CALN1: variants seen among roughly 807,000 people sequenced by gnomAD.
The protein encoded by CALN1 is calneuron 1.
A neutral mutation model predicts 30.6 loss-of-function variants in CALN1; 17 were observed. The observed-to-expected ratio is 0.56, with a 90% CI of 0.38 to 0.83. The LOEUF is 0.83. CALN1 is among the 40% of genes least tolerant of loss of function. The pLI is 0.00. For missense variants in CALN1, 291 were observed against 354.9 expected (o/e 0.82, Z 1.45); for synonymous variants, 156 against 131.4 (o/e 1.19, Z -1.28).
chr7:72,483,149 T>G, the CALN1 span, among the ~76,000 whole-genome samples: 1 of 152,058 alleles, frequency 6.6e-6, no homozygotes, highest in Non-Finnish European at 1.5e-5. Flanking sequence ...CTTTTAAAAT[T>G]TTTTTTAATC....
intron 3 of CALN1, among the ~76,000 whole-genome samples, chr7:72,185,445 G>C (rs1430489228): frequency 1.3e-5 from 2 of 152,200 alleles, no homozygotes; most frequent in African/African-American, 4.8e-5. Context: ...GATTCGCAGA[G>C]GAAGGCACAG....
intron 5 of CALN1, among the ~76,000 whole-genome samples, chr7:71,930,212 G>T (rs1438130759): frequency 6.6e-6 from 1 of 152,110 alleles, no homozygotes; most frequent in Non-Finnish European, 1.5e-5. Flanking sequence ...CAGAACCCAC[G>T]GATACAGAGT....
At chr7:72,309,541 G>A (rs1017977137) in intron 2 of CALN1, among the ~76,000 whole-genome samples, 1 of 151,952 alleles carries the variant, frequency 6.6e-6, no homozygotes, top group Non-Finnish European at 1.5e-5. Context: ...GGGACTCAAG[G>A]AACGGCAACA....
At chr7:72,112,534 T>A (rs1343210708) in intron 3 of CALN1, among the ~76,000 whole-genome samples, 1 of 152,154 alleles carries the variant, frequency 6.6e-6, no homozygotes, top group Non-Finnish European at 1.5e-5. Context: ...TTAAAAGCTA[T>A]GGAAATGCAC....
At chr7:72,337,114 C>T in intron 2 of CALN1, 1 of 985,944 alleles carries the variant, frequency 1.0e-6, no homozygotes, top group Non-Finnish European at 1.2e-6. Context: ...CGCTGCGCCC[C>T]GGAGCCCAGT....
At chr7:72,061,094 A>G (rs571075735) in intron 4 of CALN1, among the ~76,000 whole-genome samples, 1 of 152,160 alleles carries the variant, frequency 6.6e-6, no homozygotes, top group Non-Finnish European at 1.5e-5. Context: ...CCACAATCCA[A>G]AGAAAGCTGG....
chr7:72,083,233 C>T (rs887568102), intron 4 of CALN1, among the ~76,000 whole-genome samples: 1 of 151,968 alleles, frequency 6.6e-6, no homozygotes, highest in Admixed American at 6.6e-5. Context: ...GACTGATATG[C>T]AAGAGAAAAT....
At chr7:72,217,829 TA>T (rs1192751516) in intron 3 of CALN1, among the ~76,000 whole-genome samples, 211 of 125,422 alleles carry the variant, frequency 1.7e-3, no homozygotes, top group African/African-American at 5.7e-3. Context: ...AAAAATTAAA[TA>T]AATTTTTTTT....
chr7:72,404,489 G>A (rs549336751), intron 1 of CALN1, among the ~76,000 whole-genome samples: 1 of 152,350 alleles, frequency 6.6e-6, no homozygotes, highest in African/African-American at 2.4e-5. Flanking sequence ...CGTTGGTGAT[G>A]AAACCAACAA....
intron 3 of CALN1, among the ~76,000 whole-genome samples, chr7:72,242,628 A>C (rs562083537): frequency 4.4e-4 from 67 of 152,302 alleles, no homozygotes; most frequent in African/African-American, 1.6e-3. Flanking sequence ...TGGCTCAAAC[A>C]TGTAATCCTA....
chr7:72,306,852 C>T (rs894455612), intron 2 of CALN1, among the ~76,000 whole-genome samples: 4 of 152,228 alleles, frequency 2.6e-5, no homozygotes, highest in East Asian at 1.9e-4. Flanking sequence ...GGCTTTGTCT[C>T]GGGCCATGGT....
At chr7:72,150,296 A>G (rs1787132705) in intron 3 of CALN1, among the ~76,000 whole-genome samples, 1 of 152,270 alleles carries the variant, frequency 6.6e-6, no homozygotes, top group Non-Finnish European at 1.5e-5. Context: ...AAACTGAGTT[A>G]TAAAATACTT....
intron 3 of CALN1, among the ~76,000 whole-genome samples, chr7:72,148,424 A>G: frequency 7.0e-6 from 1 of 143,838 alleles, no homozygotes; most frequent in Admixed American, 7.0e-5. Context: ...AAAAAAAGAA[A>G]AAAAAGAAAA....
At chr7:71,793,659 G>A (rs1221075617) in intron 6 of CALN1, among the ~76,000 whole-genome samples, 3 of 152,128 alleles carry the variant, frequency 2.0e-5, no homozygotes, top group Admixed American at 6.5e-5. Flanking sequence ...ATCGCCTGAG[G>A]TTAGGAGTTT....
intron 6 of CALN1, among the ~76,000 whole-genome samples, chr7:71,795,208 G>A (rs1352229300): frequency 1.3e-5 from 2 of 152,018 alleles, no homozygotes; most frequent in African/African-American, 4.8e-5. Context: ...TTTTAGTAGA[G>A]ACGGGGTTTC....
rs182127118 is a variant in CALN1, at chr7:72,349,370, A to C, written c.119+53881T>G. On this transcript the variant is annotated intron_variant, in intron 2 of 6. Coordinates refer to ENST00000395275, the MANE Select transcript of CALN1 (RefSeq NM_031468.4). ...AGTATTTGAATAAATAGTGGCTAAT[A>C]TTTCCCAATTTGATAAAAGCCTAAA... Among the ~76,000 whole-genome samples the C allele has an allele frequency of 5.6e-3, 847 of 151,960 alleles. 7 individuals are homozygous for C. The highest frequency in any genetic ancestry group is 0.019 in the African/African-American group (803 of 41,420).
In CALN1 at chr7:72,328,237, T is replaced by C. The variant is rs577266292; in HGVS notation, c.120-49427A>G. Among the ~76,000 whole-genome samples, 5 of 152,328 alleles carry C rather than the reference T, an allele frequency of 3.3e-5. No homozygotes were observed. The East Asian group carries it at 5.8e-4, about 18-fold the overall frequency. Reference sequence around the variant, plus strand: ...GCTGTGTCCCCACCCAAATCTCACCTTGAATTGCAATAATACTCACGTATC... The same window carrying C: ...GCTGTGTCCCCACCCAAATCTCACCCTGAATTGCAATAATACTCACGTATC... On this transcript the variant is annotated intron_variant, in intron 2 of 6. Transcript: ENST00000395275.
At chr7:72,340,097 G>A (rs934807332) in intron 2 of CALN1, among the ~76,000 whole-genome samples, 4 of 152,164 alleles carry the variant, frequency 2.6e-5, no homozygotes, top group Non-Finnish European at 5.9e-5. Context: ...CTCTAACTGT[G>A]GTTCTTGTTC....
rs1312932234 is a variant in CALN1, at chr7:71,827,778, AT to A, written c.502-17287del. Reference sequence around the variant, plus strand: ...CAGAGTGAGACTCCATCTTAAAAAAATAAATAAATAAATAAATAAATAAATA... The same window carrying A: ...CAGAGTGAGACTCCATCTTAAAAAAAAAATAAATAAATAAATAAATAAATA... On this transcript the variant is annotated intron_variant, in intron 5 of 6. Coordinates refer to ENST00000395275, the MANE Select transcript of CALN1 (RefSeq NM_031468.4). 5.6e-3 allele frequency among the ~76,000 whole-genome samples: 501 copies of A among 89,914 alleles called. 1 individual carries two copies. The highest frequency in any genetic ancestry group is 0.022 in the Middle Eastern group (3 of 134). The allele number at this position is 89,914 out of a possible 152,430, so 59.0% of individuals were successfully genotyped here.
Sources: allele counts gnomAD v4.1 joint callset (sites outside exome capture counted in the v4.1 genomes callset), GRCh38; gene constraint gnomAD v4.1.1; transcripts MANE v1.5; gene names NCBI Gene and HGNC (gene_info 2026-07-23, HGNC 2026-07-21).